DOCK2: variants seen among roughly 807,000 people sequenced by gnomAD.
The protein encoded by DOCK2 is dedicator of cytokinesis 2.
DOCK2 carries 87 observed loss-of-function variants against 248.9 expected under a neutral mutation model. That is an observed-to-expected ratio of 0.35 (90% CI 0.29 to 0.42). DOCK2 has a LOEUF of 0.42. DOCK2 is among the 10% of genes least tolerant of loss of function. The probability of loss-of-function intolerance (pLI) is 1.00; values close to 1 mark genes in which losing one functional copy is unlikely to be tolerated. For missense variants in DOCK2, 1,747 were observed against 2,300.2 expected (o/e 0.76, Z 4.92); for synonymous variants, 805 against 821.6 (o/e 0.98, Z 0.35).
chr5:170,016,587 A>G (rs1197224985), intron 32 of DOCK2, among the ~76,000 whole-genome samples: 3 of 152,188 alleles, frequency 2.0e-5, no homozygotes, highest in Non-Finnish European at 4.4e-5. Context: ...TCCTCAACTG[A>G]CTGTAAAGAA....
At chr5:169,715,777 C>T (rs1264786033) in intron 19 of DOCK2, among the ~76,000 whole-genome samples, 1 of 152,062 alleles carries the variant, frequency 6.6e-6, no homozygotes, top group African/African-American at 2.4e-5. Context: ...CCTCATACCC[C>T]TTCTCAGCCA....
chr5:169,721,566 T>G (rs2431716), intron 22 of DOCK2, among the ~76,000 whole-genome samples: 1 of 152,232 alleles, frequency 6.6e-6, no homozygotes, highest in African/African-American at 2.4e-5. Context: ...AAATCAGAAT[T>G]GAATTATTGG....
At chr5:170,080,649 C>A (rs1210003884) in intron 50 of DOCK2, 2 of 224,764 alleles carry the variant, frequency 8.9e-6, no homozygotes, top group East Asian at 2.0e-4. Flanking sequence ...TCTTTGTGGA[C>A]CTGGAAGACT....
At chr5:169,751,929 T>C (rs187869125) in intron 23 of DOCK2, among the ~76,000 whole-genome samples, 1 of 152,304 alleles carries the variant, frequency 6.6e-6, no homozygotes, top group Admixed American at 6.5e-5. Context: ...CATCCCAAAT[T>C]ACATGTATTC....
At chr5:169,956,783 A>G (rs1309522056) in intron 27 of DOCK2, among the ~76,000 whole-genome samples, 1 of 152,154 alleles carries the variant, frequency 6.6e-6, no homozygotes, top group Non-Finnish European at 1.5e-5. Flanking sequence ...AAAAGTTCAA[A>G]TGTAATCTTT....
At chr5:169,680,123 A>C (rs1759579697) in intron 6 of DOCK2, among the ~76,000 whole-genome samples, 1 of 152,224 alleles carries the variant, frequency 6.6e-6, no homozygotes, top group South Asian at 2.1e-4. Flanking sequence ...TATAGTAAGC[A>C]TACCAGAGAG....
At chr5:170,056,576 C>G in intron 42 of DOCK2, 108 bp from the exon 43 acceptor site, 1 of 823,644 alleles carries the variant, frequency 1.2e-6, no homozygotes, top group Non-Finnish European at 2.0e-6. Flanking sequence ...GGGACTCTGC[C>G]AGGCCTGAAG....
At chr5:170,016,539 C>T (rs1230462554) in intron 32 of DOCK2, among the ~76,000 whole-genome samples, 2 of 152,202 alleles carry the variant, frequency 1.3e-5, no homozygotes. Context: ...TTGGAGATCA[C>T]CATCTCTCTC....
chr5:169,757,529 A>G (rs1050333215), intron 23 of DOCK2, among the ~76,000 whole-genome samples: 9 of 152,344 alleles, frequency 5.9e-5, no homozygotes, highest in African/African-American at 1.2e-4. Flanking sequence ...GTTTTATCTT[A>G]TAATCTACAT....
intron 25 of DOCK2, among the ~76,000 whole-genome samples, chr5:169,793,634 G>C (rs1431494660): frequency 6.6e-6 from 1 of 151,928 alleles, no homozygotes; most frequent in Non-Finnish European, 1.5e-5. Flanking sequence ...TCCTCTCTAG[G>C]TCCGCCATTA....
At chr5:170,059,657 G>A (rs562076643) in intron 44 of DOCK2, among the ~76,000 whole-genome samples, 31 of 152,262 alleles carry the variant, frequency 2.0e-4, no homozygotes, top group African/African-American at 7.5e-4. Context: ...CAGATATTTT[G>A]TCTATTTTAT....
At chr5:169,684,455 A>AT in intron 8 of DOCK2, 105 bp downstream of exon 8, 1 of 1,410,076 alleles carries the variant, frequency 7.1e-7, no homozygotes, top group South Asian at 1.5e-5. Context: ...CCTGGAAAAG[A>AT]GACTGCACCT....
At position 169,840,830 on chromosome 5, in the gene DOCK2, T is replaced by C; in HGVS notation, c.2777T>C (p.Met926Thr). ...ACAGTGAACCGGACAGTCATCACCATGGGCCGGGATCACATTCTGATTGTG... is the reference window on the plus strand; with the variant it reads ...ACAGTGAACCGGACAGTCATCACCACGGGCCGGGATCACATTCTGATTGTG... ...LRTVNRTVIT[M>T]GRDHILISHF... The change falls in exon 27 of 52, where the codon ATG (methionine) becomes ACG (threonine). Residue 926 changes from methionine to threonine, a missense_variant. Around this residue, in one of 4 missense-constraint regions of DOCK2, gnomAD observed 858 missense variants for 1,183.5 expected, o/e 0.72. Coordinates refer to ENST00000520908, the MANE Select transcript of DOCK2 (RefSeq NM_004946.3). 6.2e-7 allele frequency: 1 copy of C among 1,613,990 alleles called. No homozygotes were observed. Among genetic ancestry groups the C allele is most frequent in the East Asian group, 2.2e-5 (1 of 44,852 alleles).
At chr5:170,040,743 G>T in intron 36 of DOCK2, 1 of 307,332 alleles carries the variant, frequency 3.3e-6, no homozygotes, top group Non-Finnish European at 5.9e-6. Flanking sequence ...TAGCTGGAAT[G>T]GCACCTAACT....
At chr5:169,824,602 C>T (rs572530447) in intron 26 of DOCK2, among the ~76,000 whole-genome samples, 19 of 152,322 alleles carry the variant, frequency 1.2e-4, no homozygotes, top group Admixed American at 9.1e-4. Flanking sequence ...CCCTTCCTTA[C>T]ACCTTATACA....
intron 46 of DOCK2, among the ~76,000 whole-genome samples, chr5:170,072,303 G>T (rs1293431078): frequency 6.6e-6 from 1 of 152,068 alleles, no homozygotes; most frequent in East Asian, 1.9e-4. Context: ...AGCTTCTTTG[G>T]CTCAATATAA....
chr5:170,025,152 G>A (rs1462315903), intron 33 of DOCK2, among the ~76,000 whole-genome samples: 1 of 152,250 alleles, frequency 6.6e-6, no homozygotes, highest in Non-Finnish European at 1.5e-5. Flanking sequence ...CACTTTGCTA[G>A]TGCTTTACAT....
intron 27 of DOCK2, among the ~76,000 whole-genome samples, chr5:169,905,293 G>T (rs1443218307): frequency 6.8e-6 from 1 of 146,182 alleles, no homozygotes; most frequent in Admixed American, 6.8e-5. Context: ...TAGAGCCAGT[G>T]TTTTTTTTTT....
rs370919155 is a variant in DOCK2 at position 169,901,821 on chromosome 5, A to T, written c.2799+60969A>T. ...GGAGGGGTTTTCTGGACCCTCAGCC[A>T]TGTGCTATGGTGTTACCACCATGTT... is the stretch of plus-strand genomic sequence containing the variant. On this transcript the variant is annotated intron_variant, in intron 27 of 51. Transcript: ENST00000520908. 3.9e-5 allele frequency among the ~76,000 whole-genome samples: 6 copies of T among 152,342 alleles called. No homozygotes were observed. The South Asian group carries it at 6.2e-4, about 16-fold the overall frequency.
Sources: allele counts gnomAD v4.1 joint callset (sites outside exome capture counted in the v4.1 genomes callset), GRCh38; gene constraint gnomAD v4.1.1; regional missense constraint gnomAD v4.1.1; transcripts MANE v1.5; gene names NCBI Gene and HGNC (gene_info 2026-07-23, HGNC 2026-07-21).